SLC25A26: variants seen among roughly 807,000 people sequenced by gnomAD.
SLC25A26 encodes mitochondrial S-adenosylmethionine carrier protein.
A neutral mutation model predicts 37.8 loss-of-function variants in SLC25A26; 36 were observed. That is an observed-to-expected ratio of 0.95 (90% CI 0.73 to 1.26). The LOEUF (loss-of-function observed/expected upper bound fraction) is 1.26, where lower values mean the gene tolerates loss of function less well. SLC25A26 is among the 50% of genes most tolerant of loss of function. The pLI is 0.00. For synonymous variants in SLC25A26, 129 were observed against 122.5 expected (o/e 1.05, Z -0.35); for missense variants, 390 against 331.1 (o/e 1.18, Z -1.38).
chr3:66,245,250 T>TAAAAA (rs60891030), intron 3 of SLC25A26, among the ~76,000 whole-genome samples: 1 of 135,828 alleles, frequency 7.4e-6, no homozygotes. Context: ...CAGTTATGAT[T>TAAAAA]AAAAAAAAAA....
intron 2 of SLC25A26, among the ~76,000 whole-genome samples, chr3:66,241,675 G>T (rs2072591015): frequency 6.6e-6 from 1 of 152,332 alleles, no homozygotes; most frequent in South Asian, 2.1e-4. Flanking sequence ...AAGTTTGAAA[G>T]AATTGGACTT....
intron 5 of SLC25A26, among the ~76,000 whole-genome samples, chr3:66,267,497 G>T (rs1376794087): frequency 6.6e-6 from 1 of 152,154 alleles, no homozygotes; most frequent in African/African-American, 2.4e-5. Context: ...CCTTGAAAGA[G>T]CCTGACATGT....
intron 5 of SLC25A26, among the ~76,000 whole-genome samples, chr3:66,298,009 A>G (rs1344825064): frequency 2.6e-5 from 4 of 152,220 alleles, no homozygotes; most frequent in Non-Finnish European, 4.4e-5. Flanking sequence ...TTGGTTCCCA[A>G]AGTACAGTCC....
At chr3:66,134,199 G>C (rs2069912645) in intron 1 of SLC25A26, among the ~76,000 whole-genome samples, 1 of 152,190 alleles carries the variant, frequency 6.6e-6, no homozygotes, top group South Asian at 2.1e-4. Context: ...ATATCCTGTT[G>C]TGATAACCTT....
At chr3:66,202,483 A>C (rs2071123962) in intron 1 of SLC25A26, among the ~76,000 whole-genome samples, 1 of 151,654 alleles carries the variant, frequency 6.6e-6, no homozygotes, top group Non-Finnish European at 1.5e-5. Context: ...ATACCTATGT[A>C]ACAAACCTGC....
chr3:66,273,205 T>C (rs1475497703), intron 5 of SLC25A26, among the ~76,000 whole-genome samples: 2 of 152,216 alleles, frequency 1.3e-5, no homozygotes, highest in African/African-American at 4.8e-5. Flanking sequence ...CAGTATTTTA[T>C]TGAGGATTTT....
At chr3:66,200,862 T>C (rs2071099499) in intron 1 of SLC25A26, among the ~76,000 whole-genome samples, 1 of 151,952 alleles carries the variant, frequency 6.6e-6, no homozygotes. Flanking sequence ...CCCGAGAAAA[T>C]GCCACTGAAC....
chr3:66,194,351 C>T (rs1358186445), intron 1 of SLC25A26, among the ~76,000 whole-genome samples: 1 of 152,116 alleles, frequency 6.6e-6, no homozygotes, highest in African/African-American at 2.4e-5. Context: ...TTTGTTTTCC[C>T]ACCTGGGGAA....
intron 5 of SLC25A26, among the ~76,000 whole-genome samples, chr3:66,286,616 T>G (rs1026090562): frequency 6.6e-6 from 1 of 152,218 alleles, no homozygotes; most frequent in African/African-American, 2.4e-5. Context: ...TTCATATTTT[T>G]GAATATCCCA....
At chr3:66,133,864 T>C (rs2069907042) in exon 1 of SLC25A26, 1 of 152,196 alleles carries the variant, frequency 6.6e-6, no homozygotes, top group Admixed American at 6.5e-5. Flanking sequence ...CACGGGCTCA[T>C]CACATCTGTT....
intron 1 of SLC25A26, among the ~76,000 whole-genome samples, chr3:66,181,169 C>T (rs1397357698): frequency 2.6e-5 from 4 of 152,200 alleles, no homozygotes; most frequent in Non-Finnish European, 4.4e-5. Context: ...AATACAATGT[C>T]TTTTAACACT....
intron 1 of SLC25A26, among the ~76,000 whole-genome samples, chr3:66,150,147 C>T (rs541012556): frequency 2.0e-5 from 3 of 152,098 alleles, no homozygotes; most frequent in Admixed American, 1.3e-4. Context: ...ACAAAGGTGA[C>T]TTTATTAAAA....
intron 1 of SLC25A26, among the ~76,000 whole-genome samples, chr3:66,157,934 ATTTC>A (rs1239691553): frequency 3.3e-5 from 5 of 152,224 alleles, no homozygotes; most frequent in Non-Finnish European, 7.3e-5. Flanking sequence ...CAAATGCAGA[ATTTC>A]TTTCTGTTTT....
intron 5 of SLC25A26, among the ~76,000 whole-genome samples, chr3:66,270,619 G>T (rs1218095879): frequency 1.3e-5 from 2 of 152,154 alleles, no homozygotes; most frequent in African/African-American, 2.4e-5. Context: ...TATAAAATGA[G>T]TCACTTAATT....
chr3:66,355,896 T>G (rs1210312477), intron 6 of SLC25A26: 1 of 401,742 alleles, frequency 2.5e-6, no homozygotes, highest in Non-Finnish European at 4.9e-6. Context: ...TTGAAAAAAC[T>G]AAGCATTATC....
At chr3:66,374,393 C>G (rs1206298447) in intron 9 of SLC25A26, among the ~76,000 whole-genome samples, 1 of 152,242 alleles carries the variant, frequency 6.6e-6, no homozygotes, top group Non-Finnish European at 1.5e-5. Flanking sequence ...GCATCACCCA[C>G]TGTGTCCACC....
At chr3:66,244,228 C>G (rs2072719925) in intron 3 of SLC25A26, among the ~76,000 whole-genome samples, 3 of 152,038 alleles carry the variant, frequency 2.0e-5, no homozygotes, top group African/African-American at 7.2e-5. Flanking sequence ...ATACGTAAGG[C>G]AAAAAACAAA....
intron 1 of SLC25A26, among the ~76,000 whole-genome samples, chr3:66,212,879 G>A (rs2106840390): frequency 6.6e-6 from 1 of 152,256 alleles, no homozygotes; most frequent in African/African-American, 2.4e-5. Flanking sequence ...TCCATATTTT[G>A]TGTACCCATT....
At chr3:66,274,012 T>A (rs1031463371) in intron 5 of SLC25A26, among the ~76,000 whole-genome samples, 69 of 152,120 alleles carry the variant, frequency 4.5e-4, no homozygotes, top group African/African-American at 1.3e-3. Flanking sequence ...CTACAAGGCT[T>A]CAGTAACCAA....
Sources: allele counts gnomAD v4.1 joint callset (sites outside exome capture counted in the v4.1 genomes callset), GRCh38; gene constraint gnomAD v4.1.1; transcripts MANE v1.5; gene names NCBI Gene and HGNC (gene_info 2026-07-23, HGNC 2026-07-21).